The following SORBS2 variants were observed in gnomAD, a reference collection of about 807,000 sequenced individuals.
SORBS2 encodes sorbin and SH3 domain-containing protein 2.
In SORBS2, 46 loss-of-function variants were observed where a neutral mutation model predicts 97.7. The observed-to-expected ratio is 0.47, with a 90% confidence interval of 0.37 to 0.60. The LOEUF (loss-of-function observed/expected upper bound fraction) is 0.60. SORBS2 is among the 20% of genes least tolerant of loss of function. The pLI is 0.00. For synonymous variants in SORBS2, 476 were observed against 473.4 expected (o/e 1.01, Z -0.07); for missense variants, 1,316 against 1,282.3 (o/e 1.03, Z -0.40).
chr4:185,785,283 A>C (rs1163169210), intron 1 of SORBS2, among the ~76,000 whole-genome samples: 1 of 152,130 alleles, frequency 6.6e-6, no homozygotes, highest in Non-Finnish European at 1.5e-5. Context: ...GAATGCTGTC[A>C]GTCATAATGG....
intron 1 of SORBS2, among the ~76,000 whole-genome samples, chr4:185,925,678 A>G (rs1183957586): frequency 1.3e-5 from 2 of 152,242 alleles, no homozygotes; most frequent in African/African-American, 4.8e-5. Context: ...GACAACTGTC[A>G]GCATCTGCAC....
intron 1 of SORBS2, among the ~76,000 whole-genome samples, chr4:185,833,210 C>A (rs2099206096): frequency 6.6e-6 from 1 of 152,164 alleles, no homozygotes; most frequent in South Asian, 2.1e-4. Context: ...ACATTGTGTC[C>A]AAGTAATGTG....
In SORBS2 at chr4:185,623,809, T is replaced by C; in HGVS notation, c.1320A>G (p.Leu440=). ...GACATAGGCCATTTTGCGGTGGTTC[T>C]AGGGTTACGGGAGACAGCATGTCAT... Residue 440 remains leucine (L), a synonymous_variant, in exon 7 of 15, where the codon CTA becomes CTG. Transcript: ENST00000418609. The surrounding 1 kb of genome is among the most constrained non-coding windows in gnomAD (Gnocchi z 6.4). 1.2e-6 allele frequency: 2 copies of C among 1,614,162 alleles called. No homozygotes were observed. Among genetic ancestry groups the C allele is most frequent in the Non-Finnish European group, 1.7e-6 (2 of 1,180,022 alleles).
chr4:185,786,950 ATTTT>A (rs35546450), intron 1 of SORBS2, among the ~76,000 whole-genome samples: 2 of 99,922 alleles, frequency 2.0e-5, no homozygotes, highest in Non-Finnish European at 3.7e-5. Flanking sequence ...ATGTTCATCC[ATTTT>A]TTTTTTTTTT....
intron 2 of SORBS2, among the ~76,000 whole-genome samples, chr4:185,753,695 T>G (rs1187380747): frequency 6.6e-6 from 1 of 152,222 alleles, no homozygotes; most frequent in Non-Finnish European, 1.5e-5. Context: ...AAGACATACA[T>G]GTAATTTAAA....
At chr4:185,676,689 T>C (rs1036919797) in intron 4 of SORBS2, among the ~76,000 whole-genome samples, 4 of 152,140 alleles carry the variant, frequency 2.6e-5, no homozygotes, top group Non-Finnish European at 5.9e-5. Flanking sequence ...AGTCCTGAAG[T>C]AGTCTGCAAT....
chr4:185,668,180 G>A (rs940966327), intron 4 of SORBS2, among the ~76,000 whole-genome samples: 1 of 152,160 alleles, frequency 6.6e-6, no homozygotes, highest in Non-Finnish European at 1.5e-5. Context: ...CATATCCTAT[G>A]ACTTGAAACA....
chr4:185,901,100 T>C lies in SORBS2; in HGVS notation c.-338+55096A>G, dbSNP rs116859086. Among the ~76,000 whole-genome samples the C allele has an allele frequency of 5.8e-3, 880 of 152,374 alleles. 15 individuals are homozygous for C. The highest frequency in any genetic ancestry group is 0.052 in the East Asian group (271 of 5,190). ...GTCAGTTTTAAATTATGATGCCATT[T>C]ACAAAATTCAATTTATATCTATCTT... is the stretch of plus-strand genomic sequence containing the variant. On this transcript the variant is annotated intron_variant, in intron 1 of 20. Coordinates refer to the SORBS2 transcript ENST00000284776.
intron 1 of SORBS2, among the ~76,000 whole-genome samples, chr4:185,873,417 T>C (rs1341508147): frequency 6.6e-6 from 1 of 152,142 alleles, no homozygotes; most frequent in African/African-American, 2.4e-5. Context: ...CCAATACAAA[T>C]CCAGCAGGAT....
chr4:185,636,426 CA>C (rs2153440642), intron 4 of SORBS2, among the ~76,000 whole-genome samples: 1 of 152,218 alleles, frequency 6.6e-6, no homozygotes, highest in South Asian at 2.1e-4. Flanking sequence ...CTACCATCAC[CA>C]ATCAGTAAAC....
chr4:185,817,358 A>G (rs541724997), intron 1 of SORBS2, among the ~76,000 whole-genome samples: 33 of 152,334 alleles, frequency 2.2e-4, no homozygotes, highest in African/African-American at 7.2e-4. Context: ...TCTGCAAGCA[A>G]TACAGAAAAG....
At chr4:185,588,067 G>GA (rs945857205) in intron 14 of SORBS2, 3 of 196,056 alleles carry the variant, frequency 1.5e-5, no homozygotes, top group African/African-American at 2.3e-5. Flanking sequence ...AGGGTGAGTG[G>GA]AAAATCCTAA....
At chr4:185,884,235 G>A (rs958951132) in intron 1 of SORBS2, among the ~76,000 whole-genome samples, 4 of 152,150 alleles carry the variant, frequency 2.6e-5, no homozygotes, top group African/African-American at 9.7e-5. Context: ...CATGTTTATA[G>A]ATCCTATATA....
chr4:185,660,153 A>G (rs1038638243), upstream of SORBS2, among the ~76,000 whole-genome samples: 2 of 152,204 alleles, frequency 1.3e-5, no homozygotes, highest in African/African-American at 4.8e-5. Flanking sequence ...TGTAAAATCT[A>G]CTTATCAATA....
At chr4:185,620,693 C>T (rs1194702869) in intron 7 of SORBS2, among the ~76,000 whole-genome samples, 2 of 152,184 alleles carry the variant, frequency 1.3e-5, no homozygotes, top group Admixed American at 6.5e-5. Context: ...TTACTCTCCC[C>T]TCTTCGCTCT....
At chr4:185,709,302 A>G (rs2098392459) in intron 2 of SORBS2, among the ~76,000 whole-genome samples, 1 of 42,206 alleles carries the variant, frequency 2.4e-5, no homozygotes, top group Non-Finnish European at 6.3e-5. Context: ...TGCTGGCCAA[A>G]TCTTTTTTTT....
At chr4:185,646,528 A>C (rs2097211596) in intron 4 of SORBS2, 140 bp downstream of exon 13, 1 of 597,212 alleles carries the variant, frequency 1.7e-6, no homozygotes, top group Non-Finnish European at 3.0e-6. Flanking sequence ...TGAGATGTAC[A>C]AATCATTATA....
intron 1 of SORBS2, among the ~76,000 whole-genome samples, chr4:185,939,573 C>T (rs542691745): frequency 3.3e-5 from 5 of 152,190 alleles, no homozygotes; most frequent in Admixed American, 6.5e-5. Flanking sequence ...TGCGATGGCG[C>T]GACCTCGGCT....
intron 1 of SORBS2, among the ~76,000 whole-genome samples, chr4:185,850,698 G>A (rs1235614223): frequency 1.3e-5 from 2 of 152,188 alleles, no homozygotes; most frequent in Admixed American, 1.3e-4. Flanking sequence ...ATGCTTAAGA[G>A]CATGTGATGG....
Sources: gnomAD v4.1 joint callset for allele counts (sites outside exome capture counted in the v4.1 genomes callset) on GRCh38, gnomAD v4.1.1 for gene constraint, Gnocchi (gnomAD v3.1) non-coding constraint, MANE v1.5 for transcripts, NCBI Gene and HGNC (gene_info 2026-07-23, HGNC 2026-07-21) for gene names.